The following AGBL1 variants were observed in gnomAD, a reference collection of about 807,000 sequenced individuals.
The protein encoded by AGBL1 is cytosolic carboxypeptidase 4.
A neutral mutation model predicts 118.9 loss-of-function variants in AGBL1; 130 were observed. That is an observed-to-expected ratio of 1.09 (90% CI 0.95 to 1.26). The LOEUF (loss-of-function observed/expected upper bound fraction) is 1.26. Among genes scored for constraint, AGBL1 ranks in the 50% most tolerant of loss-of-function variants. The pLI is 0.00. For synonymous variants in AGBL1, 555 were observed against 478.9 expected (o/e 1.16, Z -2.08); for missense variants, 1,584 against 1,298.1 (o/e 1.22, Z -3.38).
intron 1 of AGBL1, among the ~76,000 whole-genome samples, chr15:86,122,198 A>G (rs1027463307): frequency 6.6e-6 from 1 of 152,220 alleles, no homozygotes; most frequent in Non-Finnish European, 1.5e-5. Flanking sequence ...ACATGGTCAC[A>G]GGAGGTTCTG....
chr15:86,080,938 C>CG (rs542077190), intron 1 of AGBL1, among the ~76,000 whole-genome samples: 1,774 of 132,726 alleles, frequency 0.013, 23 homozygotes, highest in African/African-American at 0.034. Flanking sequence ...CTTGTGGGGG[C>CG]GGGGGGGGGT....
intron 1 of AGBL1, among the ~76,000 whole-genome samples, chr15:86,139,405 G>A (rs75286903): frequency 0.046 from 7,075 of 152,272 alleles, 238 homozygotes; most frequent in Non-Finnish European, 0.07. Context: ...CTTGAGAAAA[G>A]GAGGAGTTCG....
chr15:86,703,619 C>A (rs570853408), intron 22 of AGBL1, among the ~76,000 whole-genome samples: 4 of 151,988 alleles, frequency 2.6e-5, no homozygotes, highest in East Asian at 3.9e-4. Flanking sequence ...TGTGGAAGGA[C>A]CTGGTGGGAG....
At chr15:86,954,121 C>A (rs1006290424) in intron 23 of AGBL1, among the ~76,000 whole-genome samples, 7 of 151,940 alleles carry the variant, frequency 4.6e-5, no homozygotes, top group African/African-American at 1.7e-4. Context: ...ATCAGAATAG[C>A]TATTATTAAA....
At chr15:86,926,593 C>T (rs1349377350) in intron 23 of AGBL1, among the ~76,000 whole-genome samples, 3 of 152,160 alleles carry the variant, frequency 2.0e-5, no homozygotes, top group East Asian at 3.9e-4. Context: ...TGTGAAAGCT[C>T]TAATAGGAAT....
At chr15:86,537,400 G>A (rs1212264724) in intron 19 of AGBL1, among the ~76,000 whole-genome samples, 3 of 152,200 alleles carry the variant, frequency 2.0e-5, no homozygotes, top group African/African-American at 7.2e-5. Flanking sequence ...TAGGTTGCAG[G>A]GATTGTGTAG....
chr15:87,002,925 C>T (rs931496126), intron 24 of AGBL1, among the ~76,000 whole-genome samples: 13 of 152,282 alleles, frequency 8.5e-5, no homozygotes, highest in Admixed American at 7.2e-4. Context: ...CATCTGCAAA[C>T]AGGGACAATT....
rs765835898 is a variant in AGBL1, at chr15:86,289,112, AT to A, written c.2221-6135del. ...TAATTTAAGAGCATTTCTCATACAC[AT>A]TTTTTTTCCTTTCTCTCCTTTAAAA... On this transcript the variant is annotated intron_variant, in intron 16 of 22. Transcript: ENST00000614907. Among the ~76,000 whole-genome samples the A allele has an allele frequency of 3.3e-5, 5 of 151,626 alleles. No individual in the cohort carries two copies. The East Asian group carries it at 7.7e-4, about 23-fold the overall frequency.
At chr15:86,629,511 C>T (rs553034565) in intron 21 of AGBL1, among the ~76,000 whole-genome samples, 1 of 152,182 alleles carries the variant, frequency 6.6e-6, no homozygotes, top group East Asian at 1.9e-4. Context: ...GCACTCAAAC[C>T]CCACACATTC....
chr15:86,564,146 G>T (rs892698948), intron 21 of AGBL1, among the ~76,000 whole-genome samples: 1 of 152,152 alleles, frequency 6.6e-6, no homozygotes, highest in African/African-American at 2.4e-5. Context: ...GGTTAATATT[G>T]TTAGGTGTGA....
intron 22 of AGBL1, among the ~76,000 whole-genome samples, chr15:86,736,765 T>C (rs2077606745): frequency 6.6e-6 from 1 of 152,182 alleles, no homozygotes; most frequent in Admixed American, 6.5e-5. Flanking sequence ...TAAACAGGCC[T>C]GCGACATTAA....
chr15:86,224,048 C>T (rs962395522), intron 5 of AGBL1, among the ~76,000 whole-genome samples: 1 of 152,104 alleles, frequency 6.6e-6, no homozygotes, highest in East Asian at 1.9e-4. Context: ...GCCTCTTTGG[C>T]CTGTTCCTCC....
intron 18 of AGBL1, among the ~76,000 whole-genome samples, chr15:86,461,548 A>C (rs1297810154): frequency 6.6e-6 from 1 of 152,178 alleles, no homozygotes; most frequent in East Asian, 1.9e-4. Context: ...TTTTCCTTTA[A>C]GATTTCACAG....
At chr15:86,599,855 C>G (rs2084467362) in intron 21 of AGBL1, among the ~76,000 whole-genome samples, 1 of 152,032 alleles carries the variant, frequency 6.6e-6, no homozygotes, top group Admixed American at 6.6e-5. Context: ...GTGACAATAT[C>G]CTACACCTTT....
chr15:86,271,227 A>T (rs973933759), intron 14 of AGBL1, among the ~76,000 whole-genome samples: 4 of 151,318 alleles, frequency 2.6e-5, no homozygotes, highest in Non-Finnish European at 4.4e-5. Flanking sequence ...ATTTTTTAGT[A>T]GCCGTGTTGT....
chr15:86,748,850 T>C (rs2077801392), intron 22 of AGBL1, among the ~76,000 whole-genome samples: 1 of 152,078 alleles, frequency 6.6e-6, no homozygotes, highest in Non-Finnish European at 1.5e-5. Flanking sequence ...GAGGGCTCTG[T>C]TCTGTTCCAT....
intron 22 of AGBL1, among the ~76,000 whole-genome samples, chr15:86,736,040 TGACCTCAAAGAGCTCAGCA>T (rs1309367789): frequency 6.6e-6 from 1 of 152,180 alleles, no homozygotes; most frequent in African/African-American, 2.4e-5. Context: ...GCAAGGTCTA[TGACCTCAAAGAGCTCAGCA>T]TTGCAAAGGA....
chr15:86,251,390 T>G (rs917619812), intron 7 of AGBL1, among the ~76,000 whole-genome samples: 1 of 152,146 alleles, frequency 6.6e-6, no homozygotes, highest in African/African-American at 2.4e-5. Context: ...TCAGTAGGGC[T>G]CTGGTGGGGC....
At chr15:86,270,336 G>T (rs1233601096) in intron 14 of AGBL1, among the ~76,000 whole-genome samples, 1 of 152,144 alleles carries the variant, frequency 6.6e-6, no homozygotes, top group African/African-American at 2.4e-5. Context: ...GTTGGTGAGC[G>T]TTCTCATTTA....
Sources: allele counts gnomAD v4.1 joint callset (sites outside exome capture counted in the v4.1 genomes callset), GRCh38; gene constraint gnomAD v4.1.1; transcripts MANE v1.5; gene names NCBI Gene and HGNC (gene_info 2026-07-23, HGNC 2026-07-21).